Variants in ENTREP2 observed in about 807,000 individuals in gnomAD.
ENTREP2 encodes the protein endosomal transmembrane epsin interactor 2.
At chr15:29,400,209 A>G in the ENTREP2 span, among the ~76,000 whole-genome samples, 13 of 152,226 alleles carry the variant, frequency 8.5e-5, no homozygotes, top group Non-Finnish European at 1.5e-4. Context: ...GTTAGGACAC[A>G]AGCTCTTAAA....
At chr15:29,548,195 C>A in the ENTREP2 span, among the ~76,000 whole-genome samples, 5 of 152,120 alleles carry the variant, frequency 3.3e-5, no homozygotes, top group African/African-American at 1.2e-4. Flanking sequence ...TGGCTCACAT[C>A]TGTAGTCCCA....
the ENTREP2 span, among the ~76,000 whole-genome samples, chr15:29,478,004 T>C: frequency 4.0e-5 from 3 of 75,196 alleles, no homozygotes; most frequent in East Asian, 6.7e-4. Context: ...TATATATATA[T>C]ATATATATAT....
At chr15:29,197,073 G>A in the ENTREP2 span, among the ~76,000 whole-genome samples, 30 of 152,296 alleles carry the variant, frequency 2.0e-4, no homozygotes, top group African/African-American at 6.5e-4. Context: ...CCAGCTACAG[G>A]TGCATCTTAT....
the ENTREP2 span, chr15:29,613,325 TG>T: frequency 4.3e-6 from 1 of 230,870 alleles, no homozygotes. Flanking sequence ...TCGGTCAGTT[TG>T]GGGCAGGCAG....
At chr15:29,565,779 C>T in the ENTREP2 span, among the ~76,000 whole-genome samples, 10 of 151,972 alleles carry the variant, frequency 6.6e-5, no homozygotes, top group East Asian at 1.2e-3. Flanking sequence ...CTGGCTAACA[C>T]GGGGAAACCC....
the ENTREP2 span, among the ~76,000 whole-genome samples, chr15:29,128,545 G>C: frequency 1.3e-5 from 2 of 152,086 alleles, no homozygotes; most frequent in Non-Finnish European, 2.9e-5. Context: ...AGGTCTCCCC[G>C]GAGAGCGCAG....
chr15:29,342,498 A>G, the ENTREP2 span, among the ~76,000 whole-genome samples: 1 of 152,178 alleles, frequency 6.6e-6, no homozygotes, highest in Non-Finnish European at 1.5e-5. Context: ...CAAATTCCAG[A>G]ACCGGGATTC....
chr15:29,159,628 T>C, the ENTREP2 span, among the ~76,000 whole-genome samples: 2 of 152,148 alleles, frequency 1.3e-5, no homozygotes, highest in Admixed American at 1.3e-4. Flanking sequence ...AAGTTCTCCA[T>C]GTCACAACTA....
chr15:29,656,932 C>A, the ENTREP2 span, among the ~76,000 whole-genome samples: 1 of 152,178 alleles, frequency 6.6e-6, no homozygotes, highest in Non-Finnish European at 1.5e-5. Context: ...CCACAAAACT[C>A]CATAAATAGC....
At chr15:29,257,460 C>T in the ENTREP2 span, among the ~76,000 whole-genome samples, 3 of 152,176 alleles carry the variant, frequency 2.0e-5, no homozygotes, top group South Asian at 4.1e-4. Flanking sequence ...AGTGTTGCAA[C>T]GAACTGCCTT....
chr15:29,358,120 G>A, the ENTREP2 span, among the ~76,000 whole-genome samples: 7 of 152,012 alleles, frequency 4.6e-5, no homozygotes, highest in Admixed American at 6.5e-5. Flanking sequence ...CTGAGGAGAC[G>A]GGCATTTAAA....
At chr15:29,235,024 G>A in the ENTREP2 span, 1 of 1,231,294 alleles carries the variant, frequency 8.1e-7, no homozygotes, top group African/African-American at 1.5e-5. Context: ...TCAATCTTTA[G>A]ATAAATTCTC....
the ENTREP2 span, among the ~76,000 whole-genome samples, chr15:29,455,658 C>G: frequency 6.6e-6 from 1 of 152,064 alleles, no homozygotes; most frequent in Non-Finnish European, 1.5e-5. Flanking sequence ...GGGCTCCCAA[C>G]CCCCAGGCCA....
chr15:29,429,660 C>A, the ENTREP2 span, among the ~76,000 whole-genome samples: 1 of 152,236 alleles, frequency 6.6e-6, no homozygotes, highest in Admixed American at 6.5e-5. Context: ...TGTCCTAATT[C>A]TGACAGGATC....
At chr15:29,142,197 T>C in the ENTREP2 span, among the ~76,000 whole-genome samples, 2 of 152,308 alleles carry the variant, frequency 1.3e-5, no homozygotes, top group Middle Eastern at 3.4e-3. Context: ...CTGAAAATCA[T>C]TGATGGTGTG....
chr15:29,306,727 CCACCCAGGCTGCAGTGCAGTGGTGTGAT>C, the ENTREP2 span, among the ~76,000 whole-genome samples: 4 of 112,422 alleles, frequency 3.6e-5, no homozygotes, highest in South Asian at 3.0e-4. Flanking sequence ...TCTTGCTCTG[CCACCCAGGCTGCAGTGCAGTGGTGTGAT>C]CACCCAGGCT....
chr15:29,513,469 T>C, the ENTREP2 span, among the ~76,000 whole-genome samples: 1 of 152,162 alleles, frequency 6.6e-6, no homozygotes, highest in African/African-American at 2.4e-5. Context: ...ATGAGGAATT[T>C]TTCCCTCTGC....
the ENTREP2 span, among the ~76,000 whole-genome samples, chr15:29,355,095 T>C: frequency 6.6e-6 from 1 of 152,238 alleles, no homozygotes; most frequent in South Asian, 2.1e-4. Context: ...AGGCCACCCC[T>C]GTCTCAGGGT....
chr15:29,374,659 C>T, the ENTREP2 span: 1 of 151,676 alleles, frequency 6.6e-6, no homozygotes, highest in Admixed American at 6.6e-5. Context: ...ACTACTATTT[C>T]TTCAAGTATT....
Sources: gnomAD v4.1 joint callset for allele counts (sites outside exome capture counted in the v4.1 genomes callset) on GRCh38, gnomAD v4.1.1 for gene constraint, MANE v1.5 for transcripts, NCBI Gene and HGNC (gene_info 2026-07-23, HGNC 2026-07-21) for gene names.